The following SCAMP4 variants were observed in gnomAD, a reference collection of about 807,000 sequenced individuals.
SCAMP4 encodes secretory carrier-associated membrane protein 4.
SCAMP4 carries 19 observed loss-of-function variants against 32.1 expected under a neutral mutation model. That is an observed-to-expected ratio of 0.59 (90% confidence interval 0.41 to 0.87). SCAMP4 has a LOEUF of 0.87. Among genes scored for constraint, SCAMP4 ranks in the 40% least tolerant of loss-of-function variants. The pLI, the probability that SCAMP4 is intolerant of heterozygous loss-of-function variation, is 0.00. For synonymous variants in SCAMP4, 152 were observed against 132.7 expected (o/e 1.15, Z -1.00); for missense variants, 302 against 309.0 (o/e 0.98, Z 0.17).
Position 1,905,493 on chromosome 19 carries a change from G to A in SCAMP4, c.-42+54G>A, listed in dbSNP as rs540046498. On this transcript the variant is annotated intron_variant, in intron 1 of 6. Transcript: ENST00000316097. ...TCTCCAGGCTCAGACTTCCCCAGAG[G>A]GGGAGTAGGGGCTGACATGGGGGGT... 4.4e-4 allele frequency: 192 copies of A among 434,982 alleles called. 3 individuals carry two copies. The East Asian group carries it at 4.9e-3, about 11-fold the overall frequency. The allele number at this position is 434,982 out of a possible 1,614,324, so 26.9% of individuals were successfully genotyped here.
At chr19:1,912,536 C>G in intron 1 of SCAMP4, 4 of 1,500,320 alleles carry the variant, frequency 2.7e-6, no homozygotes, top group Non-Finnish European at 2.7e-6. Flanking sequence ...CCCACTGGCC[C>G]ACGTCCTTCC....
At chr19:1,923,615 C>CCTT (rs71335396) in intron 6 of SCAMP4, among the ~76,000 whole-genome samples, 1 of 86,466 alleles carries the variant, frequency 1.2e-5, no homozygotes, top group African/African-American at 4.7e-5. Flanking sequence ...CAGCAAAATG[C>CCTT]TTTTTTTTTT....
chr19:1,923,627 T>TTTTG (rs1456365875), intron 6 of SCAMP4, among the ~76,000 whole-genome samples: 1 of 144,332 alleles, frequency 6.9e-6, no homozygotes, highest in Non-Finnish European at 1.5e-5. Context: ...TTTTTTTTTT[T>TTTTG]TTTTTTTTTT....
rs2014086629 is a variant in SCAMP4 at position 1,925,940 on chromosome 19, G to T, written c.*1656G>T. 1 of 138,486 alleles carries T rather than the reference G, an allele frequency of 7.2e-6. No homozygotes were observed. Among genetic ancestry groups the T allele is most frequent in the Admixed American group, 7.6e-5 (1 of 13,240 alleles). The allele number at this position is 138,486 out of a possible 1,614,324, so 8.6% of individuals were successfully genotyped here. ...CCCCCACCCCTCCCCCGCCGTGTGT[G>T]GCCCCTCGCCGCATCGTTGGGGTTT... is the stretch of plus-strand genomic sequence containing the variant. On this transcript the variant is annotated 3_prime_UTR_variant, in exon 7 of 7. Transcript: ENST00000316097.
At position 1,908,473 on chromosome 19, in the gene SCAMP4, C is replaced by G. The variant is rs2013258647; in HGVS notation, c.-42+3034C>G. 4.2e-6 allele frequency: 2 copies of G among 470,970 alleles called. No homozygotes were observed. The highest frequency in any genetic ancestry group is 8.8e-6 in the Non-Finnish European group (2 of 226,996). 29.2% of individuals were successfully genotyped at this position (470,970 alleles called of 1,614,324 possible). A position where few individuals can be genotyped will look rare whatever the true frequency, so the allele number is the denominator to read the frequency against. On this transcript the variant is annotated intron_variant, in intron 1 of 6. Transcript: ENST00000316097. This position sits in a 1 kb window ranked among gnomAD's most constrained non-coding sequence, Gnocchi z 4.2. ...GCGCGGCTGCGAAATGATCCAGAGA[C>G]ACATCCCTGTCTGCGGGAGGAGCCG...
chr19:1,924,071 T>C, intron 6 of SCAMP4, 37 bp from the exon 7 acceptor site: 1 of 1,573,578 alleles, frequency 6.4e-7, no homozygotes, highest in South Asian at 1.2e-5. Context: ...CCATGCTCAT[T>C]TTCTGTCTTC....
intron 4 of SCAMP4, 144 bp downstream of exon 4, chr19:1,918,427 C>T (rs1335479694): frequency 5.9e-6 from 6 of 1,018,524 alleles, no homozygotes; most frequent in Admixed American, 3.1e-5. Context: ...CAAACTGTGG[C>T]CCACAAGCCA....
chr19:1,919,205 C>G, intron 5 of SCAMP4: 1 of 1,409,448 alleles, frequency 7.1e-7, no homozygotes, highest in Non-Finnish European at 9.2e-7. Context: ...TGTAGGCACT[C>G]TCCTAGGGAG....
At chr19:1,912,504 G>C in intron 1 of SCAMP4, 1 of 1,496,290 alleles carries the variant, frequency 6.7e-7, no homozygotes, top group African/African-American at 1.5e-5. Flanking sequence ...TCTGACCAGG[G>C]GCCAGTTCGA....
At chr19:1,921,033 C>G in intron 5 of SCAMP4, 1 of 985,448 alleles carries the variant, frequency 1.0e-6, no homozygotes, top group Middle Eastern at 5.2e-4. Context: ...AGAAAGAAAC[C>G]CAGCGGGTCT....
intron 6 of SCAMP4, among the ~76,000 whole-genome samples, chr19:1,923,423 C>T (rs1046975047): frequency 2.6e-5 from 4 of 152,100 alleles, no homozygotes; most frequent in Non-Finnish European, 2.9e-5. Context: ...CCCCCTGGGC[C>T]GGGAGTCCAG....
chr19:1,913,182 G>T, intron 1 of SCAMP4: 3 of 1,478,688 alleles, frequency 2.0e-6, no homozygotes, highest in South Asian at 1.4e-5. Flanking sequence ...GACCCTTCCC[G>T]CTCCCGGCCG....
chr19:1,923,524 C>T (rs893464597), intron 6 of SCAMP4, among the ~76,000 whole-genome samples: 2 of 151,976 alleles, frequency 1.3e-5, no homozygotes, highest in South Asian at 2.1e-4. Context: ...AGGGTGGGGC[C>T]CCTTGCAGGT....
At chr19:1,905,492 G>A (rs932249455) in intron 1 of SCAMP4, 53 bp downstream of exon 1, 3 of 434,790 alleles carry the variant, frequency 6.9e-6, no homozygotes, top group Non-Finnish European at 1.5e-5. Context: ...CTTCCCCAGA[G>A]GGGGAGTAGG....
intron 2 of SCAMP4, among the ~76,000 whole-genome samples, chr19:1,917,378 G>A (rs889739494): frequency 3.9e-5 from 6 of 152,216 alleles, no homozygotes; most frequent in African/African-American, 9.6e-5. Context: ...GACCAGAAAC[G>A]CTAACATCAA....
chr19:1,913,791 GC>G (rs1412512504), intron 1 of SCAMP4, among the ~76,000 whole-genome samples: 1 of 152,244 alleles, frequency 6.6e-6, no homozygotes, highest in Non-Finnish European at 1.5e-5. Flanking sequence ...GAGGACTAGA[GC>G]CGTTTTTGCA....
intron 1 of SCAMP4, chr19:1,913,246 C>A: frequency 7.0e-7 from 1 of 1,437,390 alleles, no homozygotes; most frequent in Non-Finnish European, 9.2e-7. Flanking sequence ...CAAGCCTGAC[C>A]GTGGATTTCA....
intron 1 of SCAMP4, among the ~76,000 whole-genome samples, chr19:1,911,126 C>T (rs1236440032): frequency 2.0e-5 from 3 of 152,120 alleles, no homozygotes; most frequent in African/African-American, 7.2e-5. Flanking sequence ...CCGCCTGCCT[C>T]GGCCTCCCAA....
intron 5 of SCAMP4, 114 bp from the exon 6 acceptor site, chr19:1,922,956 G>C: frequency 1.4e-6 from 2 of 1,388,698 alleles, no homozygotes; most frequent in Non-Finnish European, 1.9e-6. Flanking sequence ...TGTATGAGCT[G>C]TCCACTCCTT....
Sources: gnomAD v4.1 joint callset for allele counts (sites outside exome capture counted in the v4.1 genomes callset) on GRCh38, gnomAD v4.1.1 for gene constraint, Gnocchi (gnomAD v3.1) non-coding constraint, MANE v1.5 for transcripts, NCBI Gene and HGNC (gene_info 2026-07-23, HGNC 2026-07-21) for gene names.